NYAP2: variants seen among roughly 807,000 people sequenced by gnomAD.
The protein encoded by NYAP2 is neuronal tyrosine-phosphorylated phosphoinositide-3-kinase adapter 2.
NYAP2 carries 23 observed loss-of-function variants against 50.4 expected under a neutral mutation model. That is an observed-to-expected ratio of 0.46 (90% CI 0.33 to 0.65). NYAP2 has a LOEUF of 0.65. Ranked by LOEUF, NYAP2 falls within the 30% of genes least tolerant of loss-of-function variation. NYAP2 has a pLI of 0.02. For synonymous variants in NYAP2, 394 were observed against 365.2 expected, an observed-to-expected ratio of 1.08 and a Z score of -0.90; for missense variants, 885 against 861.0, an observed-to-expected ratio of 1.03 and a Z score of -0.35.
chr2:225,674,430 T>A, the NYAP2 span, among the ~76,000 whole-genome samples: 2 of 152,046 alleles, frequency 1.3e-5, no homozygotes, highest in African/African-American at 4.8e-5. Context: ...GAAGGGTTAG[T>A]GTGTTTGGAA....
chr2:225,604,882 A>C (rs1345097247), intron 5 of NYAP2, among the ~76,000 whole-genome samples: 3 of 152,046 alleles, frequency 2.0e-5, no homozygotes, highest in Non-Finnish European at 4.4e-5. Flanking sequence ...ATATCCCTAA[A>C]ATGTTTACTC....
chr2:225,547,482 C>T (rs1485543724), intron 4 of NYAP2, among the ~76,000 whole-genome samples: 2 of 152,220 alleles, frequency 1.3e-5, no homozygotes, highest in South Asian at 2.1e-4. Context: ...CTTGTGGGAT[C>T]TCAAGTTCTG....
intron 4 of NYAP2, among the ~76,000 whole-genome samples, chr2:225,524,050 C>A (rs1691111196): frequency 6.6e-6 from 1 of 152,136 alleles, no homozygotes; most frequent in Admixed American, 6.6e-5. Context: ...AGGGACAGAA[C>A]TGATAGGATA....
In NYAP2 at chr2:225,582,685, C is replaced by A. The variant is rs1297498722; in HGVS notation, c.1268C>A (p.Thr423Asn). 6.2e-7 allele frequency: 1 copy of A among 1,602,882 alleles called. No homozygotes were observed. Among genetic ancestry groups the A allele is most frequent in the East Asian group, 2.2e-5 (1 of 44,614 alleles). Residue 423 changes from threonine to asparagine, a missense_variant, in exon 5 of 7, where the codon ACC becomes AAC. Thr to Asn is a moderately conservative substitution (Grantham distance 65). Transcript: ENST00000636099. This position sits in a 1 kb window ranked among gnomAD's most constrained non-coding sequence, Gnocchi z 7.0. ...CCACCCCCGTCTACGCTGTACCGAA[C>A]CCAGTCTCCCCATGGCTACCCTAAA...
At chr2:225,421,001 C>T (rs1333603244) in intron 3 of NYAP2, among the ~76,000 whole-genome samples, 1 of 152,082 alleles carries the variant, frequency 6.6e-6, no homozygotes, top group African/African-American at 2.4e-5. Flanking sequence ...TGGCTCACTG[C>T]AGCCTCAACC....
chr2:225,481,711 A>C (rs1336687709), intron 3 of NYAP2, among the ~76,000 whole-genome samples: 2 of 152,182 alleles, frequency 1.3e-5, no homozygotes, highest in African/African-American at 4.8e-5. Context: ...GAAAGCCACA[A>C]ATGCAAAATA....
rs1260043668 is a variant in NYAP2 at position 225,626,969 on chromosome 2, G to T, written c.1671G>T (p.Lys557Asn). Residue 557 changes from lysine (K) to asparagine (N), a missense_variant, in exon 6 of 7, where the codon AAG (lysine) becomes AAT (asparagine). By Grantham distance (94) the Lys-to-Asn change is moderately conservative. Transcript: ENST00000636099. ...GCCACAGCACGGAGCCATTACCAAA[G>T]TTGGACAACAAGGAAAGAGGCCACC... The T allele has an allele frequency of 2.5e-6, 4 of 1,586,710 alleles. No homozygotes were observed. The East Asian group carries it at 6.9e-5, about 27-fold the overall frequency.
the NYAP2 span, chr2:225,699,033 A>T: frequency 6.6e-6 from 1 of 151,940 alleles, no homozygotes; most frequent in Non-Finnish European, 1.5e-5. Context: ...CTAGTAACGT[A>T]GAAGTTGAAT....
chr2:225,416,933 A>T (rs1695133983), intron 3 of NYAP2, among the ~76,000 whole-genome samples: 1 of 152,168 alleles, frequency 6.6e-6, no homozygotes, highest in Non-Finnish European at 1.5e-5. Context: ...CACCATGGCA[A>T]ATTGAATGAT....
At chr2:225,492,995 T>A (rs1359421087) in intron 3 of NYAP2, among the ~76,000 whole-genome samples, 1 of 151,956 alleles carries the variant, frequency 6.6e-6, no homozygotes, top group Non-Finnish European at 1.5e-5. Flanking sequence ...TAGCAACTTT[T>A]TTTTTTTTTT....
chr2:225,481,635 C>G (rs1216430420), intron 3 of NYAP2, among the ~76,000 whole-genome samples: 1 of 152,094 alleles, frequency 6.6e-6, no homozygotes, highest in African/African-American at 2.4e-5. Flanking sequence ...CTACTTCTCT[C>G]TTGCAAACAA....
intron 3 of NYAP2, among the ~76,000 whole-genome samples, chr2:225,448,105 T>C (rs1279458979): frequency 6.6e-6 from 1 of 152,172 alleles, no homozygotes; most frequent in Non-Finnish European, 1.5e-5. Flanking sequence ...TGTGACGCTA[T>C]GGCTGGTAAG....
At chr2:225,500,255 T>A (rs1324106937) in intron 3 of NYAP2, among the ~76,000 whole-genome samples, 1 of 152,202 alleles carries the variant, frequency 6.6e-6, no homozygotes, top group East Asian at 1.9e-4. Context: ...TAAAGAGGTG[T>A]GTACTACGTG....
intron 3 of NYAP2, among the ~76,000 whole-genome samples, chr2:225,446,648 T>G (rs946676460): frequency 1.3e-5 from 2 of 152,274 alleles, no homozygotes; most frequent in South Asian, 4.1e-4. Context: ...CAATCTTTAG[T>G]GGTTAGCAAT....
At chr2:225,494,175 G>C (rs191778791) in intron 3 of NYAP2, among the ~76,000 whole-genome samples, 1 of 152,196 alleles carries the variant, frequency 6.6e-6, no homozygotes, top group Non-Finnish European at 1.5e-5. Flanking sequence ...AATCCAAGTT[G>C]ATGGGAACAC....
rs541259878 is a variant in NYAP2 at position 225,598,932 on chromosome 2, A to G, written c.1618+15897A>G. Among the ~76,000 whole-genome samples the G allele has an allele frequency of 7.2e-5, 11 of 152,330 alleles. No individual in the cohort carries two copies. In the East Asian group the frequency reaches 2.1e-3, roughly 29 times the overall value. On this transcript the variant is annotated intron_variant, in intron 5 of 6. Transcript: ENST00000636099. The stretch of plus-strand genomic sequence containing the variant: ...ACAGCCCTGACCTACTTCCACGTGA[A>G]ATCAATGGAGGGCTTCAAGAGACTC...
chr2:225,468,186 G>A (rs1427634386), intron 3 of NYAP2, among the ~76,000 whole-genome samples: 1 of 152,154 alleles, frequency 6.6e-6, no homozygotes. Flanking sequence ...GTCAAGTTAA[G>A]ATGAGATCAT....
intron 3 of NYAP2, among the ~76,000 whole-genome samples, chr2:225,431,968 G>GTTGT (rs1275145335): frequency 6.6e-6 from 1 of 151,480 alleles, no homozygotes; most frequent in South Asian, 2.1e-4. Context: ...GGTTTTTTTT[G>GTTGT]TTGTTTGTTT....
intron 5 of NYAP2, among the ~76,000 whole-genome samples, chr2:225,604,832 T>C (rs1266541494): frequency 6.6e-6 from 1 of 152,124 alleles, no homozygotes; most frequent in Non-Finnish European, 1.5e-5. Context: ...CAGCAAAATG[T>C]ACAGTACTGA....
Sources: gnomAD v4.1 joint callset for allele counts (sites outside exome capture counted in the v4.1 genomes callset) on GRCh38, gnomAD v4.1.1 for gene constraint, Gnocchi (gnomAD v3.1) non-coding constraint, MANE v1.5 for transcripts, NCBI Gene and HGNC (gene_info 2026-07-23, HGNC 2026-07-21) for gene names.